The following STAP1 variants were observed in gnomAD, a reference collection of about 807,000 sequenced individuals.
STAP1 encodes the protein signal-transducing adaptor protein 1.
Under a neutral mutation model 37.8 loss-of-function variants are expected in STAP1, and 30 were observed. The ratio of observed to expected loss-of-function variants is 0.79; its 90% CI spans 0.59 to 1.08. STAP1 has a LOEUF of 1.08. Among genes scored for constraint, STAP1 ranks in the 50% least tolerant of loss-of-function variants. The pLI is 0.00. For missense variants in STAP1, 357 were observed against 349.4 expected (o/e 1.02, Z -0.17); for synonymous variants, 130 against 116.0 (o/e 1.12, Z -0.78).
intron 6 of STAP1, among the ~76,000 whole-genome samples, chr4:67,584,557 T>C (rs1355927409): frequency 6.6e-6 from 1 of 152,210 alleles, no homozygotes; most frequent in Non-Finnish European, 1.5e-5. Flanking sequence ...GCTATTGTTT[T>C]AATATAGAGT....
At chr4:67,583,080 G>A (rs1288833407) in intron 5 of STAP1, among the ~76,000 whole-genome samples, 1 of 151,880 alleles carries the variant, frequency 6.6e-6, no homozygotes, top group Non-Finnish European at 1.5e-5. Context: ...TTTTTATTTT[G>A]CACATAAAAA....
intron 4 of STAP1, among the ~76,000 whole-genome samples, chr4:67,578,210 T>C (rs776100436): frequency 1.3e-5 from 2 of 152,212 alleles, no homozygotes; most frequent in Non-Finnish European, 2.9e-5. Flanking sequence ...AAAGCCACTG[T>C]AGCAATTGCC....
At chr4:67,560,695 C>T (rs1402669687) in intron 1 of STAP1, among the ~76,000 whole-genome samples, 6 of 151,306 alleles carry the variant, frequency 4.0e-5, no homozygotes, top group Non-Finnish European at 7.4e-5. Flanking sequence ...CTCTGTTGCC[C>T]AAGCTGGAGT....
intron 7 of STAP1, among the ~76,000 whole-genome samples, chr4:67,592,605 C>T (rs1326748597): frequency 1.3e-5 from 2 of 152,172 alleles, no homozygotes; most frequent in Admixed American, 6.5e-5. Flanking sequence ...GATTAGGAAA[C>T]TGGATCCTTC....
At chr4:67,599,242 T>C (rs1244795309) in intron 8 of STAP1, among the ~76,000 whole-genome samples, 1 of 152,218 alleles carries the variant, frequency 6.6e-6, no homozygotes, top group Non-Finnish European at 1.5e-5. Context: ...TTTGGAAGTA[T>C]TTACTCCTCC....
intron 4 of STAP1, among the ~76,000 whole-genome samples, chr4:67,578,457 G>C (rs1262735809): frequency 6.6e-6 from 1 of 152,158 alleles, no homozygotes; most frequent in African/African-American, 2.4e-5. Context: ...TTCAACTATT[G>C]TGTAGGGAAG....
At chr4:67,599,105 A>G (rs927404570) in intron 8 of STAP1, among the ~76,000 whole-genome samples, 1 of 152,142 alleles carries the variant, frequency 6.6e-6, no homozygotes, top group African/African-American at 2.4e-5. Context: ...ATGTTGTTGA[A>G]TTTTGTTTGT....
chr4:67,572,673 T>A (rs369109933), intron 2 of STAP1, among the ~76,000 whole-genome samples: 17 of 152,282 alleles, frequency 1.1e-4, no homozygotes, highest in African/African-American at 3.6e-4. Flanking sequence ...AAAATAGTAG[T>A]CCATTTTATA....
chr4:67,571,175 T>G lies in STAP1; in HGVS notation c.192+20T>G, dbSNP rs772212959. On this transcript the variant is annotated intron_variant, in intron 2 of 8. Transcript: ENST00000265404. Reference sequence around the variant, plus strand: ...ATAATAGTAAGTAAATATGTTGAGCTGATTCCATTGTTTCCCAATATACCC... The same window carrying G: ...ATAATAGTAAGTAAATATGTTGAGCGGATTCCATTGTTTCCCAATATACCC... 4 of 1,516,744 alleles carry G rather than the reference T, an allele frequency of 2.6e-6. No homozygotes were observed. In the Admixed American group the frequency reaches 6.8e-5, roughly 26 times the overall value. 94.0% of individuals were successfully genotyped at this position (1,516,744 alleles called of 1,614,324 possible).
chr4:67,577,492 TAAAC>T (rs939275322), intron 4 of STAP1, among the ~76,000 whole-genome samples: 3 of 152,084 alleles, frequency 2.0e-5, no homozygotes, highest in African/African-American at 7.2e-5. Flanking sequence ...ATGAAGAAAA[TAAAC>T]AAGGCAATTC....
intron 6 of STAP1, among the ~76,000 whole-genome samples, chr4:67,587,031 TA>T (rs1313143389): frequency 6.6e-6 from 1 of 152,252 alleles, no homozygotes; most frequent in African/African-American, 2.4e-5. Context: ...CAAAGTTTGT[TA>T]AATGTATTCT....
intron 6 of STAP1, among the ~76,000 whole-genome samples, chr4:67,588,789 C>T (rs1728057144): frequency 2.0e-5 from 3 of 152,158 alleles, no homozygotes; most frequent in Admixed American, 2.0e-4. Context: ...TGAGTACTGG[C>T]AAACATTTCC....
intron 8 of STAP1, among the ~76,000 whole-genome samples, chr4:67,598,635 G>A (rs28847596): frequency 0.13 from 19,947 of 151,996 alleles, 2,506 homozygotes; most frequent in African/African-American, 0.33. Flanking sequence ...TATTAGATTT[G>A]TTTCCTATTG....
In STAP1 at chr4:67,571,121, CTCTTT is replaced by C. The variant is rs1165973455; in HGVS notation, c.165_169del (p.Phe55LeufsTer11). On this transcript the variant is annotated frameshift_variant, in exon 2 of 9. Transcript: ENST00000265404. LOFTEE classifies it high-confidence loss of function. ...TACTGGACAGAGTTGAGAGGAACTA[CTCTTT>C]TCTTTTATACCGACAAAAAGAGTAT... is the stretch of plus-strand genomic sequence containing the variant. The C allele has an allele frequency of 2.5e-6, 4 of 1,611,588 alleles. No homozygotes were observed. Among genetic ancestry groups the C allele is most frequent in the South Asian group, 1.1e-5 (1 of 91,034 alleles).
At chr4:67,603,343 C>T (rs1728384904) in intron 8 of STAP1, among the ~76,000 whole-genome samples, 1 of 152,164 alleles carries the variant, frequency 6.6e-6, no homozygotes, top group South Asian at 2.1e-4. Context: ...AATTGGGAAC[C>T]ACAAGGCCCT....
chr4:67,583,399 TG>T, intron 5 of STAP1, among the ~76,000 whole-genome samples, 174 bp from the exon 6 acceptor site: 1 of 152,212 alleles, frequency 6.6e-6, no homozygotes. Context: ...ATACACAGAG[TG>T]GCACAGGCTT....
intron 7 of STAP1, among the ~76,000 whole-genome samples, chr4:67,592,220 C>T (rs965010808): frequency 6.6e-6 from 1 of 152,092 alleles, no homozygotes; most frequent in Admixed American, 6.5e-5. Flanking sequence ...CCTGAAACTC[C>T]TGGGCTCAAG....
At chr4:67,603,961 G>T (rs1254844662) in intron 8 of STAP1, among the ~76,000 whole-genome samples, 1 of 152,160 alleles carries the variant, frequency 6.6e-6, no homozygotes, top group Non-Finnish European at 1.5e-5. Context: ...CTCAGTGTTT[G>T]TGGCCTAAAC....
chr4:67,607,313 G>A lies in STAP1; in HGVS notation c.*956G>A, dbSNP rs1472813639. On this transcript the variant is annotated 3_prime_UTR_variant, in exon 9 of 9. Coordinates refer to ENST00000265404, the MANE Select transcript of STAP1 (RefSeq NM_012108.4). ...TTGAAAATCCGGCTTCTTGACTTGTGAGAAAATAAATTTGTGTTCCTTAAT... is the reference window on the plus strand; with the variant it reads ...TTGAAAATCCGGCTTCTTGACTTGTAAGAAAATAAATTTGTGTTCCTTAAT... 1 of 152,138 alleles carries A rather than the reference G, an allele frequency of 6.6e-6. No homozygotes were observed. The highest frequency in any genetic ancestry group is 2.4e-5 in the African/African-American group (1 of 41,420). 9.4% of individuals were successfully genotyped at this position (152,138 alleles called of 1,614,324 possible). A position where few individuals can be genotyped will look rare whatever the true frequency, so the allele number is the denominator to read the frequency against.
Sources: allele counts gnomAD v4.1 joint callset (sites outside exome capture counted in the v4.1 genomes callset), GRCh38; gene constraint gnomAD v4.1.1; transcripts MANE v1.5; gene names NCBI Gene and HGNC (gene_info 2026-07-23, HGNC 2026-07-21).